Variants in PLEC observed in about 807,000 individuals in gnomAD.
The protein encoded by PLEC is plectin.
A neutral mutation model predicts 392.8 loss-of-function variants in PLEC; 216 were observed. That is an observed-to-expected ratio of 0.55 (90% CI 0.49 to 0.62). The LOEUF (loss-of-function observed/expected upper bound fraction) is 0.62. Among genes scored for constraint, PLEC ranks in the 20% least tolerant of loss-of-function variants. The pLI is 0.00. For synonymous variants in PLEC, 3,621 were observed against 2,980.6 expected (o/e 1.21, Z -7.00); for missense variants, 6,863 against 6,563.4 (o/e 1.05, Z -1.58).
At chr8:143,949,918 A>AG (rs1478128650) in intron 1 of PLEC, among the ~76,000 whole-genome samples, 1 of 151,964 alleles carries the variant, frequency 6.6e-6, no homozygotes, top group African/African-American at 2.4e-5. Flanking sequence ...GAGAGAGGGG[A>AG]GGGGGCGCCC....
rs937866071 is a variant in PLEC, at chr8:143,938,389, G to C, written c.175-149C>G. The C allele has an allele frequency of 2.6e-6, 4 of 1,535,514 alleles. No individual in the cohort carries two copies. In the South Asian group the frequency reaches 3.6e-5, roughly 14 times the overall value. The stretch of plus-strand genomic sequence containing the variant: ...GCCCACGGAACACACCCTGCCCCAC[G>C]GAGGCACCTACCTCTGCCCGCCAGT... On this transcript the variant is annotated intron_variant, in intron 2 of 31. Transcript: ENST00000345136.
Position 143,973,378 on chromosome 8 carries a change from C to T in PLEC, c.70+25G>A. The stretch of plus-strand genomic sequence containing the variant: ...GGCTGGGCTGTCAGGAGCGGCCCGA[C>T]AGGCAGCGGGACGGGGGGCCGTACC... On this transcript the variant is annotated intron_variant, in intron 1 of 31. Coordinates refer to the PLEC transcript ENST00000356346. The surrounding 1 kb of genome is among the most constrained non-coding windows in gnomAD (Gnocchi z 5.6). The T allele has an allele frequency of 7.1e-6, 11 of 1,558,226 alleles. No homozygotes were observed. Among genetic ancestry groups the T allele is most frequent in the Non-Finnish European group, 9.5e-6 (11 of 1,152,142 alleles).
At position 143,926,780 on chromosome 8, in the gene PLEC, G is replaced by C. The variant is rs1271720876; in HGVS notation, c.4044+4C>G. On this transcript the variant is annotated splice_donor_region_variant and intron_variant, in intron 30 of 31. Transcript: ENST00000345136. Reference sequence around the variant, plus strand: ...CTGCCCAGCCTCCGCCCAACGGGCTGTACCTCCTCCTCCTCCATGCGCCGC... The same window carrying C: ...CTGCCCAGCCTCCGCCCAACGGGCTCTACCTCCTCCTCCTCCATGCGCCGC... 3 of 1,611,042 alleles carry C rather than the reference G, an allele frequency of 1.9e-6. No individual in the cohort carries two copies. The highest frequency in any genetic ancestry group is 2.5e-6 in the Non-Finnish European group (3 of 1,177,534).
chr8:143,938,108 A>G (rs1829530301), intron 3 of PLEC, 43 bp downstream of exon 3: 4 of 1,431,642 alleles, frequency 2.8e-6, no homozygotes, highest in African/African-American at 1.4e-5. Context: ...AGAGGTCTCC[A>G]GGTGGGGCAG....
rs1376367963 is a variant in PLEC, at chr8:143,934,431, T to C, written c.1056A>G (p.Ala352=). ...AGCCAGGGGGCACCTTGAGCTGGCC[T>C]GCTTGCACCGCTCCCTGTAGACAGG... The part of the protein sequence containing the change: ...IYQSLEGAVQ[A]GQLKVPPGYH... The change falls in exon 11 of 32, where the codon GCA becomes GCG. Residue 352 remains alanine (A), a synonymous_variant. Coordinates refer to ENST00000345136, the MANE Select transcript of PLEC (RefSeq NM_201384.3). 1 of 1,611,638 alleles carries C rather than the reference T, an allele frequency of 6.2e-7. No homozygotes were observed. The highest frequency in any genetic ancestry group is 8.5e-7 in the Non-Finnish European group (1 of 1,179,902).
intron 19 of PLEC, 99 bp from the exon 20 acceptor site, chr8:143,930,635 G>T: frequency 7.7e-7 from 1 of 1,295,820 alleles, no homozygotes; most frequent in Non-Finnish European, 1.1e-6. Context: ...GGGCCCTCCT[G>T]ATGCTCCCGG....
intron 5 of PLEC, 126 bp downstream of exon 5, chr8:143,936,853 C>T (rs944582466): frequency 1.3e-6 from 1 of 751,084 alleles, no homozygotes; most frequent in African/African-American, 1.7e-5. Context: ...TGCCACCATA[C>T]CTACGGCGCC....
At chr8:143,938,073 G>T in intron 3 of PLEC, 78 bp downstream of exon 3, 1 of 1,013,048 alleles carries the variant, frequency 9.9e-7, no homozygotes, top group Non-Finnish European at 1.5e-6. Flanking sequence ...GGCGGCCGGA[G>T]AGGCCCCAAG....
In PLEC at chr8:143,939,328, TGCCCGAGGGGA is replaced by T; in HGVS notation, c.112+11_112+21del. The T allele has an allele frequency of 6.2e-7, 1 of 1,600,562 alleles. No homozygotes were observed. The highest frequency in any genetic ancestry group is 1.3e-5 in the African/African-American group (1 of 74,734). On this transcript the variant is annotated intron_variant, in intron 1 of 31. Coordinates refer to ENST00000345136, the MANE Select transcript of PLEC (RefSeq NM_201384.3). ...AGGGGCCCGCCCTGCCTGGCGGGGG[TGCCCGAGGGGA>T]GCCCTGCTACCTTTCTTGCCCTCAG...
At chr8:143,936,080 C>T in intron 5 of PLEC, 66 bp from the exon 6 acceptor site, 2 of 1,572,422 alleles carry the variant, frequency 1.3e-6, no homozygotes, top group Non-Finnish European at 1.7e-6. Context: ...TGCCCACAGC[C>T]ACATGCACAG....
chr8:143,934,969 C>T (rs370845860), intron 8 of PLEC, 40 bp from the exon 9 acceptor site: 69 of 1,610,290 alleles, frequency 4.3e-5, no homozygotes, highest in Non-Finnish European at 5.4e-5. Flanking sequence ...GTCGTCGGGG[C>T]GTCCAGGCCC....
Position 143,917,444 on chromosome 8 carries a change from C to T in PLEC, c.12377G>A (p.Arg4126Gln), listed in dbSNP as rs192468687. The T allele has an allele frequency of 3.8e-5, 61 of 1,613,590 alleles. No individual in the cohort carries two copies. The highest frequency in any genetic ancestry group is 2.7e-4 in the Admixed American group (16 of 60,024). The change falls in exon 32 of 32, where the codon CGG becomes CAG. Residue 4126 changes from arginine (R) to glutamine (Q), a missense_variant. Coordinates refer to ENST00000345136, the MANE Select transcript of PLEC (RefSeq NM_201384.3). ...GGACTTGGAGGACGTCTTCCGCTCC[C>T]GCTTCTTCTCCTTCAGCGGCAAGAG... Reference protein sequence around the residue: ...LCLLPLKEKKRERKTSSKSSV... With the variant: ...LCLLPLKEKKQERKTSSKSSV...
At position 143,920,660 on chromosome 8, in the gene PLEC, G is replaced by A; in HGVS notation, c.9161C>T (p.Ala3054Val). ...LKKDLLPSDM[A>V]VALLEAQAGT... ...GGCCTGGGCTTCCAACAGGGCCACG[G>A]CCATGTCGGATGGCAGCAGGTCTTT... is the stretch of plus-strand genomic sequence containing the variant. The change falls in exon 32 of 32, where the codon GCC (alanine) becomes GTC (valine). Residue 3054 changes from alanine (A) to valine (V), a missense_variant. Transcript: ENST00000345136. 2 of 1,604,048 alleles carry A rather than the reference G, an allele frequency of 1.2e-6. No individual in the cohort carries two copies. Among genetic ancestry groups the A allele is most frequent in the Non-Finnish European group, 1.7e-6 (2 of 1,179,888 alleles).
chr8:143,933,493 T>C, intron 12 of PLEC, 142 bp from the exon 13 acceptor site: 2 of 980,140 alleles, frequency 2.0e-6, no homozygotes, highest in Non-Finnish European at 3.2e-6. Context: ...CTTCCCTCCC[T>C]GCCCACCTCA....
rs781980059 is a variant in PLEC at position 143,915,803 on chromosome 8, G to A, written c.*374C>T. The A allele has an allele frequency of 3.9e-5, 7 of 177,898 alleles. No homozygotes were observed. The highest frequency in any genetic ancestry group is 1.2e-4 in the African/African-American group (5 of 41,682). The allele number at this position is 177,898 out of a possible 1,614,324, so 11.0% of individuals were successfully genotyped here. A position where few individuals can be genotyped will look rare whatever the true frequency, so the allele number is the denominator to read the frequency against. On this transcript the variant is annotated 3_prime_UTR_variant, in exon 32 of 32. Transcript: ENST00000345136. ...GTGCAGGCCAGTGCTAGAAACACCA[G>A]GGCCCTCTACAGACAGGGTTGGGCC... is the stretch of plus-strand genomic sequence containing the variant.
rs1338953702 is a variant in PLEC, at chr8:143,929,964, T to A, written c.2711A>T (p.Gln904Leu). The change falls in exon 22 of 32, where the codon CAG becomes CTG. Residue 904 changes from glutamine to leucine, a missense_variant. By Grantham distance (113) the Gln-to-Leu change is moderately radical. Coordinates refer to ENST00000345136, the MANE Select transcript of PLEC (RefSeq NM_201384.3). ...LAWQSLRRDV[Q>L]LIRSWSLATF... is the part of the protein sequence containing the mutation. The stretch of plus-strand genomic sequence containing the variant: ...GGCCAGGGACCAGGAGCGGATGAGC[T>A]GCACGTCGCGGCGAAGGCTCTGCCA... 1.2e-6 allele frequency: 2 copies of A among 1,611,158 alleles called. No homozygotes were observed. Among genetic ancestry groups the A allele is most frequent in the Non-Finnish European group, 1.7e-6 (2 of 1,179,574 alleles).
rs1386622327 is a variant in PLEC, at chr8:143,930,135, G to A, written c.2612+9C>T. 7.6e-6 allele frequency: 12 copies of A among 1,586,272 alleles called. No homozygotes were observed. The highest frequency in any genetic ancestry group is 5.4e-5 in the African/African-American group (4 of 74,578). On this transcript the variant is annotated intron_variant, in intron 21 of 31. Transcript: ENST00000345136. Reference sequence around the variant, plus strand: ...TCCAGCCCCCACCTGCTGAGCCCCCGCCACCCACCTGGTGACGGCCTCCTG... The same window carrying A: ...TCCAGCCCCCACCTGCTGAGCCCCCACCACCCACCTGGTGACGGCCTCCTG...
Position 143,921,593 on chromosome 8 carries a change from A to T in PLEC, c.8228T>A (p.Val2743Glu). Residue 2743 changes from valine (V) to glutamate (E), a missense_variant, in exon 32 of 32, where the codon GTG (valine) becomes GAG (glutamate). Coordinates refer to ENST00000345136, the MANE Select transcript of PLEC (RefSeq NM_201384.3). ...GTTGACGGTCAGCCGCCGGTTCCGC[A>T]CAGGGTCCAGCAGGAAGCCTGAGGC... The part of the protein sequence containing the change: ...QAASGFLLDP[V>E]RNRRLTVNEA... 1 of 1,612,704 alleles carries T rather than the reference A, an allele frequency of 6.2e-7. No homozygotes were observed. Among genetic ancestry groups the T allele is most frequent in the Non-Finnish European group, 8.5e-7 (1 of 1,179,686 alleles).
chr8:143,945,181 T>A (rs1831263925), intron 1 of PLEC: 1 of 470,066 alleles, frequency 2.1e-6, no homozygotes, highest in African/African-American at 2.0e-5. Context: ...GCCCCACCGG[T>A]GGCCGGGACA....
Sources: allele counts gnomAD v4.1 joint callset (sites outside exome capture counted in the v4.1 genomes callset), GRCh38; gene constraint gnomAD v4.1.1; non-coding constraint Gnocchi (gnomAD v3.1); transcripts MANE v1.5; gene names NCBI Gene and HGNC (gene_info 2026-07-23, HGNC 2026-07-21).